The following SLIT3 variants were observed in gnomAD, a reference collection of about 807,000 sequenced individuals.
SLIT3 encodes the protein slit guidance ligand 3, also known as slit homolog 3 protein.
SLIT3 carries 68 observed loss-of-function variants against 184.0 expected under a neutral mutation model. The ratio of observed to expected loss-of-function variants is 0.37; its 90% CI spans 0.30 to 0.45. The LOEUF (loss-of-function observed/expected upper bound fraction) is 0.45, where lower values mean the gene tolerates loss of function less well. Ranked by LOEUF, SLIT3 falls within the 20% of genes least tolerant of loss-of-function variation. SLIT3 has a pLI of 1.00. For synonymous variants in SLIT3, 831 were observed against 828.6 expected, an observed-to-expected ratio of 1.00 and a Z score of -0.05; for missense variants, 1,707 against 2,026.0, an observed-to-expected ratio of 0.84 and a Z score of 3.02.
At chr5:168,702,633 T>C (rs574555574) in intron 26 of SLIT3, among the ~76,000 whole-genome samples, 3 of 152,264 alleles carry the variant, frequency 2.0e-5, no homozygotes, top group East Asian at 1.9e-4. Flanking sequence ...TGGTTATATA[T>C]GTAAGACACC....
chr5:168,668,758 T>C lies in SLIT3; in HGVS notation c.4336+1025A>G, dbSNP rs184927532. On this transcript the variant is annotated intron_variant, in intron 35 of 35. Transcript: ENST00000519560. Reference sequence around the variant, plus strand: ...GCCACCACTCCTGGCCCTATCTAGATGAGGAAGTGAACCACAAGTATGCTG... The same window carrying C: ...GCCACCACTCCTGGCCCTATCTAGACGAGGAAGTGAACCACAAGTATGCTG... Among the ~76,000 whole-genome samples, 53 of 152,246 alleles carry C rather than the reference T, an allele frequency of 3.5e-4. 1 individual carries two copies. Among genetic ancestry groups the C allele is most frequent in the African/African-American group, 1.3e-3 (52 of 41,556 alleles).
intron 4 of SLIT3, among the ~76,000 whole-genome samples, chr5:168,941,111 T>C (rs1167636495): frequency 6.6e-6 from 1 of 152,222 alleles, no homozygotes; most frequent in African/African-American, 2.4e-5. Context: ...TTATTTTATT[T>C]TGAGGTCTCT....
chr5:169,244,711 T>C lies in SLIT3; in HGVS notation c.335A>G (p.Glu112Gly). Residue 112 changes from glutamate to glycine, a missense_variant, in exon 3 of 36, where the codon GAG (glutamate) becomes GGG (glycine). Glu to Gly is a moderately conservative substitution (Grantham distance 98, BLOSUM62 -2). This residue lies in a region of SLIT3 where 1,307 missense variants were observed against 1,511.6 expected (regional missense o/e 0.86). Coordinates refer to ENST00000519560, the MANE Select transcript of SLIT3 (RefSeq NM_003062.4). ...GAGGCTGTACTGTACTTACAGTCGC[T>C]CTAGCTGCTTCAGGTCCTGGAAGGC... ...RGAFQDLKQL[E>G]RLRLNKNKLQ... The C allele has an allele frequency of 6.2e-7, 1 of 1,613,536 alleles. No individual in the cohort carries two copies. The highest frequency in any genetic ancestry group is 8.5e-7 in the Non-Finnish European group (1 of 1,179,560).
chr5:168,669,324 C>T (rs2113163734), intron 35 of SLIT3, among the ~76,000 whole-genome samples: 1 of 152,362 alleles, frequency 6.6e-6, no homozygotes, highest in African/African-American at 2.4e-5. Context: ...CAAGGACCCT[C>T]AAAGAGCCTG....
chr5:168,776,541 A>G (rs1178870278), intron 12 of SLIT3, among the ~76,000 whole-genome samples: 1 of 152,168 alleles, frequency 6.6e-6, no homozygotes, highest in Non-Finnish European at 1.5e-5. Context: ...AAGGTCACAC[A>G]TGTTTCTAGG....
At chr5:168,850,253 AC>A (rs1356979175) in intron 5 of SLIT3, among the ~76,000 whole-genome samples, 1 of 152,240 alleles carries the variant, frequency 6.6e-6, no homozygotes. Flanking sequence ...CTGTAATTCT[AC>A]ATTAAAACAA....
At chr5:169,147,993 A>G (rs977288065) in intron 4 of SLIT3, among the ~76,000 whole-genome samples, 1 of 152,180 alleles carries the variant, frequency 6.6e-6, no homozygotes, top group Non-Finnish European at 1.5e-5. Context: ...GAAAGATTCC[A>G]AGAAGATTCG....
At chr5:169,027,297 A>C (rs1205447490) in intron 4 of SLIT3, among the ~76,000 whole-genome samples, 1 of 152,168 alleles carries the variant, frequency 6.6e-6, no homozygotes, top group Non-Finnish European at 1.5e-5. Flanking sequence ...CAAGTGTGGG[A>C]ACAGCTTTAG....
intron 4 of SLIT3, among the ~76,000 whole-genome samples, chr5:168,967,437 C>CCTTTTTTTTTTTTTTTTTTTTTTTTTTTT (rs1763237303): frequency 6.1e-5 from 2 of 32,732 alleles, no homozygotes; most frequent in African/African-American, 2.1e-4. Context: ...CATCTCAAAT[C>CCTTTTTTTTTTTTTTTTTTTTTTTTTTTT]TTTTTTTTTT....
rs867896592 is a variant in SLIT3, at chr5:168,933,128, G to A, written c.414-49792C>T. ...GATGCAAGGCAGAGATGTGCAGGGG[G>A]GTGGTGAAATAAGGAAATGGGGCTG... is the stretch of plus-strand genomic sequence containing the variant. On this transcript the variant is annotated intron_variant, in intron 4 of 35. Coordinates refer to ENST00000519560, the MANE Select transcript of SLIT3 (RefSeq NM_003062.4). Among the ~76,000 whole-genome samples the A allele has an allele frequency of 3.3e-5, 5 of 152,286 alleles. No individual in the cohort carries two copies. The South Asian group carries it at 1.0e-3, about 32-fold the overall frequency.
intron 20 of SLIT3, among the ~76,000 whole-genome samples, chr5:168,732,943 G>A (rs1330452609): frequency 6.6e-6 from 1 of 152,026 alleles, no homozygotes; most frequent in Non-Finnish European, 1.5e-5. Context: ...AAAAGCAAAT[G>A]TAGTAAAAAC....
At chr5:169,124,993 C>T (rs1258060434) in intron 4 of SLIT3, among the ~76,000 whole-genome samples, 3 of 152,070 alleles carry the variant, frequency 2.0e-5, no homozygotes, top group Non-Finnish European at 2.9e-5. Context: ...TTCTTTCTTT[C>T]TGTTTTTATT....
intron 32 of SLIT3, among the ~76,000 whole-genome samples, chr5:168,681,364 G>A (rs536594354): frequency 6.6e-6 from 1 of 152,340 alleles, no homozygotes; most frequent in African/African-American, 2.4e-5. Context: ...TGTGGAATGA[G>A]TGAGAGTGTA....
At chr5:168,692,498 A>G (rs548880208) in intron 29 of SLIT3, 109 bp downstream of exon 29, 131 of 689,638 alleles carry the variant, frequency 1.9e-4, no homozygotes, top group Middle Eastern at 1.2e-3. Context: ...AGAGAAGCAC[A>G]TGAGAGAGAG....
chr5:169,142,984 C>A (rs922252160), intron 4 of SLIT3, among the ~76,000 whole-genome samples: 3 of 152,142 alleles, frequency 2.0e-5, no homozygotes, highest in African/African-American at 7.2e-5. Context: ...GTGAAGGGAG[C>A]CCATCTGCCC....
chr5:169,056,221 C>T (rs1449402087), intron 4 of SLIT3, among the ~76,000 whole-genome samples: 1 of 152,112 alleles, frequency 6.6e-6, no homozygotes, highest in Non-Finnish European at 1.5e-5. Flanking sequence ...TATCAGCAGT[C>T]AAACCCTCAT....
chr5:168,891,811 G>T (rs1159941123), intron 4 of SLIT3, among the ~76,000 whole-genome samples: 1 of 152,186 alleles, frequency 6.6e-6, no homozygotes, highest in Non-Finnish European at 1.5e-5. Context: ...TCTCTTTCTG[G>T]GCAGGTGTTC....
chr5:168,750,954 T>G (rs551450579), intron 18 of SLIT3, among the ~76,000 whole-genome samples: 23 of 151,470 alleles, frequency 1.5e-4, no homozygotes, highest in African/African-American at 4.9e-4. Context: ...TTTGTAATAT[T>G]AAGGGGCAGG....
chr5:168,708,443 C>G (rs1462207751), intron 25 of SLIT3: 2 of 333,248 alleles, frequency 6.0e-6, no homozygotes, highest in Non-Finnish European at 1.1e-5. Context: ...CCAGGAAGCT[C>G]TGGGCCCAGG....
Sources: allele counts gnomAD v4.1 joint callset (sites outside exome capture counted in the v4.1 genomes callset), GRCh38; gene constraint gnomAD v4.1.1; regional missense constraint gnomAD v4.1.1; transcripts MANE v1.5; gene names NCBI Gene and HGNC (gene_info 2026-07-23, HGNC 2026-07-21).